The following CTNNA2 variants were observed in gnomAD, a reference collection of about 807,000 sequenced individuals.
CTNNA2 encodes catenin alpha 2, also known as catenin alpha-2.
In CTNNA2, 42 loss-of-function variants were observed where a neutral mutation model predicts 101.0. The ratio of observed to expected loss-of-function variants is 0.42; its 90% CI spans 0.32 to 0.54. The LOEUF (loss-of-function observed/expected upper bound fraction) is 0.54. CTNNA2 is among the 20% of genes least tolerant of loss of function. CTNNA2 has a pLI of 0.14. For synonymous variants in CTNNA2, 450 were observed against 456.4 expected, an observed-to-expected ratio of 0.99 and a Z score of 0.18; for missense variants, 871 against 1,223.1, an observed-to-expected ratio of 0.71 and a Z score of 4.29.
intron 7 of CTNNA2, among the ~76,000 whole-genome samples, chr2:80,276,544 C>T (rs909420366): frequency 8.5e-5 from 13 of 152,092 alleles, no homozygotes; most frequent in African/African-American, 3.1e-4. Flanking sequence ...AGCATGGTGC[C>T]AGCACCTGCT....
At chr2:79,469,352 A>T (rs1247156324) in intron 4 of CTNNA2, among the ~76,000 whole-genome samples, 1 of 152,170 alleles carries the variant, frequency 6.6e-6, no homozygotes, top group East Asian at 1.9e-4. Context: ...CTCTGAATAG[A>T]CCAATAACAG....
At chr2:79,319,412 C>G (rs1201032985) in intron 3 of CTNNA2, among the ~76,000 whole-genome samples, 1 of 152,104 alleles carries the variant, frequency 6.6e-6, no homozygotes, top group Admixed American at 6.5e-5. Flanking sequence ...TGTCATATTG[C>G]CATATTTCTT....
intron 2 of CTNNA2, among the ~76,000 whole-genome samples, chr2:79,653,022 GT>G (rs1161308077): frequency 6.6e-6 from 1 of 152,098 alleles, no homozygotes; most frequent in African/African-American, 2.4e-5. Context: ...CAAATTATAT[GT>G]TCCCAAAATG....
At chr2:80,456,454 A>C (rs763999325) in intron 9 of CTNNA2, among the ~76,000 whole-genome samples, 2 of 152,142 alleles carry the variant, frequency 1.3e-5, no homozygotes, top group Non-Finnish European at 2.9e-5. Flanking sequence ...TTGGACGCGG[A>C]GGGAGCAGGC....
chr2:80,373,828 C>T (rs1048747587), intron 7 of CTNNA2, among the ~76,000 whole-genome samples: 15 of 152,094 alleles, frequency 9.9e-5, no homozygotes, highest in Admixed American at 2.0e-4. Flanking sequence ...AACTGATTGA[C>T]GTGAGTCTTG....
intron 4 of CTNNA2, among the ~76,000 whole-genome samples, chr2:79,425,652 A>G (rs1340679508): frequency 6.6e-6 from 1 of 152,108 alleles, no homozygotes; most frequent in Non-Finnish European, 1.5e-5. Flanking sequence ...CCACCTTTTA[A>G]TGCTGTCACA....
chr2:80,357,116 G>A (rs988454161), intron 7 of CTNNA2, among the ~76,000 whole-genome samples: 5 of 152,072 alleles, frequency 3.3e-5, no homozygotes, highest in Non-Finnish European at 1.5e-5. Flanking sequence ...GTCAGTGAAT[G>A]GTTATGATAG....
chr2:79,745,149 G>A lies in CTNNA2; in HGVS notation c.298+567G>A, dbSNP rs115093217. ...ATATACAACATAAAGTTCTAACTAC[G>A]GCCGGGTGCGGTGGCTCACACCTGT... On this transcript the variant is annotated intron_variant, in intron 3 of 18. Coordinates refer to ENST00000402739, the MANE Select transcript of CTNNA2 (RefSeq NM_001282597.3). 7.4e-3 allele frequency among the ~76,000 whole-genome samples: 1,131 copies of A among 152,002 alleles called. 15 individuals carry two copies. Among genetic ancestry groups the A allele is most frequent in the African/African-American group, 0.026 (1,084 of 41,480 alleles).
intron 12 of CTNNA2, chr2:80,572,818 A>ATTGGTTCTCTAT (rs1694712304): frequency 6.7e-6 from 1 of 148,688 alleles, no homozygotes; most frequent in South Asian, 2.1e-4. Flanking sequence ...CAATTATAGT[A>ATTGGTTCTCTAT]ATTCATCCAT....
At chr2:79,261,697 C>A (rs1013724358) in intron 2 of CTNNA2, among the ~76,000 whole-genome samples, 1 of 152,164 alleles carries the variant, frequency 6.6e-6, no homozygotes, top group Admixed American at 6.6e-5. Flanking sequence ...GATTAGGGCC[C>A]CATCCTTATG....
intron 7 of CTNNA2, among the ~76,000 whole-genome samples, chr2:80,190,334 G>A (rs1039313340): frequency 1.3e-5 from 2 of 152,012 alleles, no homozygotes; most frequent in East Asian, 1.9e-4. Context: ...CCAGATAACC[G>A]CATCGCTCAG....
intron 3 of CTNNA2, among the ~76,000 whole-genome samples, chr2:79,853,322 T>G (rs1680876163): frequency 6.6e-6 from 1 of 152,148 alleles, no homozygotes; most frequent in Admixed American, 6.5e-5. Flanking sequence ...TAAATTTTTT[T>G]TGTAGAGATA....
intron 2 of CTNNA2, among the ~76,000 whole-genome samples, chr2:79,200,877 C>T (rs754914246): frequency 3.3e-5 from 5 of 151,760 alleles, no homozygotes; most frequent in Non-Finnish European, 5.9e-5. Flanking sequence ...GCCAATATTT[C>T]GGAAGTAATA....
chr2:79,939,813 C>T (rs1166475610), intron 7 of CTNNA2, among the ~76,000 whole-genome samples: 2 of 152,200 alleles, frequency 1.3e-5, no homozygotes, highest in African/African-American at 4.8e-5. Context: ...ATGGACCCGG[C>T]TGGGCATGGT....
chr2:80,540,592 A>G (rs1573194688), intron 9 of CTNNA2, among the ~76,000 whole-genome samples: 1 of 120,578 alleles, frequency 8.3e-6, no homozygotes, highest in African/African-American at 3.5e-5. Flanking sequence ...ATGAGACTCC[A>G]TCTCAAAAAA....
chr2:79,630,071 A>G (rs1679585072), intron 1 of CTNNA2, among the ~76,000 whole-genome samples: 1 of 152,198 alleles, frequency 6.6e-6, no homozygotes, highest in Admixed American at 6.5e-5. Context: ...GCATGCTGAA[A>G]GTATTCAGAT....
At chr2:80,056,491 C>T (rs1168298240) in intron 7 of CTNNA2, among the ~76,000 whole-genome samples, 1 of 152,124 alleles carries the variant, frequency 6.6e-6, no homozygotes, top group Non-Finnish European at 1.5e-5. Context: ...CCAGACGTTG[C>T]CCATAGTGGG....
chr2:79,846,727 A>G (rs1167308534), intron 3 of CTNNA2, among the ~76,000 whole-genome samples: 1 of 152,224 alleles, frequency 6.6e-6, no homozygotes, highest in African/African-American at 2.4e-5. Context: ...GAGCTTGAGA[A>G]AGCCATTAAA....
chr2:80,618,938 T>G, intron 17 of CTNNA2, 147 bp from the exon 18 acceptor site: 1 of 478,580 alleles, frequency 2.1e-6, no homozygotes, highest in Non-Finnish European at 3.6e-6. Flanking sequence ...TATATCTCTT[T>G]CAGCACGTAA....
Sources: gnomAD v4.1 joint callset for allele counts (sites outside exome capture counted in the v4.1 genomes callset) on GRCh38, gnomAD v4.1.1 for gene constraint, MANE v1.5 for transcripts, NCBI Gene and HGNC (gene_info 2026-07-23, HGNC 2026-07-21) for gene names.